UBE2G1: variants seen among roughly 807,000 people sequenced by gnomAD.
UBE2G1 encodes the protein ubiquitin conjugating enzyme E2 G1, also known as ubiquitin-conjugating enzyme E2 G1.
Under a neutral mutation model 22.7 loss-of-function variants are expected in UBE2G1, and 5 were observed. That is an observed-to-expected ratio of 0.22 (90% CI 0.12 to 0.46). The LOEUF (loss-of-function observed/expected upper bound fraction) is 0.46. Ranked by LOEUF, UBE2G1 falls within the 20% of genes least tolerant of loss-of-function variation. UBE2G1 has a pLI of 0.99. For missense variants in UBE2G1, 88 were observed against 203.9 expected (o/e 0.43, Z 3.46); for synonymous variants, 74 against 67.5 (o/e 1.10, Z -0.47).
In UBE2G1 at chr17:4,333,030, T is replaced by C. The variant is rs568792921; in HGVS notation, c.47-25907A>G. Reference sequence around the variant, plus strand: ...TAGCCCCAGGACCTGTGACAGTCTCTGGCAGTAAATATTTGCCCAAGAAAT... The same window carrying C: ...TAGCCCCAGGACCTGTGACAGTCTCCGGCAGTAAATATTTGCCCAAGAAAT... On this transcript the variant is annotated intron_variant, in intron 1 of 5. Coordinates refer to ENST00000396981, the MANE Select transcript of UBE2G1 (RefSeq NM_003342.5). Among the ~76,000 whole-genome samples, 23 of 152,352 alleles carry C rather than the reference T, an allele frequency of 1.5e-4. 1 individual carries two copies. Among genetic ancestry groups the C allele is most frequent in the Admixed American group, 1.0e-3 (16 of 15,292 alleles).
intron 4 of UBE2G1, among the ~76,000 whole-genome samples, chr17:4,284,388 C>T (rs965469451): frequency 6.6e-6 from 1 of 151,902 alleles, no homozygotes; most frequent in Non-Finnish European, 1.5e-5. Context: ...CACCTGAGGT[C>T]AAGAGTTTAA....
chr17:4,331,909 C>G (rs1002190983), intron 1 of UBE2G1: 22 of 152,110 alleles, frequency 1.4e-4, no homozygotes, highest in African/African-American at 5.3e-4. Flanking sequence ...AAGAAGTCAA[C>G]AGAGAATGTC....
chr17:4,290,167 T>C (rs1360731560), intron 3 of UBE2G1, among the ~76,000 whole-genome samples: 1 of 152,202 alleles, frequency 6.6e-6, no homozygotes, highest in Non-Finnish European at 1.5e-5. Context: ...ATCCCTATTG[T>C]GAAACTAATC....
In UBE2G1 at chr17:4,366,601, G is replaced by A. The variant is rs1245362177; in HGVS notation, c.-285C>T. The stretch of plus-strand genomic sequence containing the variant: ...CCCGCTTCCCTCCTTCAACCCGCCC[G>A]TCGGCCCCACCGGTGCCTTCCCCCG... On this transcript the variant is annotated 5_prime_UTR_variant, in exon 1 of 6. The change creates a new upstream start codon in the 5' untranslated region. Transcript: ENST00000396981. 2 of 338,826 alleles carry A rather than the reference G, an allele frequency of 5.9e-6. No homozygotes were observed. The highest frequency in any genetic ancestry group is 1.1e-5 in the Non-Finnish European group (2 of 185,786). 21.0% of individuals were successfully genotyped at this position (338,826 alleles called of 1,614,324 possible). A position where few individuals can be genotyped will look rare whatever the true frequency, so the allele number is the denominator to read the frequency against.
rs188317409 is a variant in UBE2G1 at position 4,334,510 on chromosome 17, A to C, written c.47-27387T>G. On this transcript the variant is annotated intron_variant, in intron 1 of 5. Coordinates refer to ENST00000396981, the MANE Select transcript of UBE2G1 (RefSeq NM_003342.5). ...TATTAGTCACTTGTAACTGGTTTTAACCCATCTTCTCAAAAACAATGTGGT... is the reference window on the plus strand; with the variant it reads ...TATTAGTCACTTGTAACTGGTTTTACCCCATCTTCTCAAAAACAATGTGGT... 6.6e-5 allele frequency among the ~76,000 whole-genome samples: 10 copies of C among 152,260 alleles called. No homozygotes were observed. In the East Asian group the frequency reaches 1.2e-3, roughly 18 times the overall value.
intron 3 of UBE2G1, among the ~76,000 whole-genome samples, chr17:4,295,355 A>G (rs4508454): frequency 0.19 from 28,184 of 152,166 alleles, 2,941 homozygotes; most frequent in Non-Finnish European, 0.23. Flanking sequence ...GCTGCCTTAG[A>G]TGCAATAAAA....
In UBE2G1 at chr17:4,296,736, T is replaced by C. The variant is rs979958119; in HGVS notation, c.228A>G (p.Thr76=). 1.7e-5 allele frequency: 27 copies of C among 1,613,866 alleles called. No individual in the cohort carries two copies. Among genetic ancestry groups the C allele is most frequent in the Non-Finnish European group, 2.3e-5 (27 of 1,179,934 alleles). ...PLRPPKMKFI[T]EIWHPNVDKN... Reference sequence around the variant, plus strand: ...ACTTACCATTTGGGTGCCAGATTTCTGTAATGAATTTCATTTTAGGAGGTC... The same window carrying C: ...ACTTACCATTTGGGTGCCAGATTTCCGTAATGAATTTCATTTTAGGAGGTC... Residue 76 remains threonine, a synonymous_variant, in exon 3 of 6, where the codon ACA becomes ACG. Coordinates refer to ENST00000396981, the MANE Select transcript of UBE2G1 (RefSeq NM_003342.5).
chr17:4,278,223 T>C (rs964540401), intron 5 of UBE2G1, among the ~76,000 whole-genome samples: 11 of 152,234 alleles, frequency 7.2e-5, no homozygotes, highest in Non-Finnish European at 1.5e-4. Flanking sequence ...TTCCATGGTA[T>C]AAAGCCTTAA....
At chr17:4,358,503 A>G (rs1381700728) in intron 1 of UBE2G1, among the ~76,000 whole-genome samples, 1 of 152,088 alleles carries the variant, frequency 6.6e-6, no homozygotes, top group African/African-American at 2.4e-5. Context: ...TCTAGATACA[A>G]TCAGTTGCCA....
intron 1 of UBE2G1, among the ~76,000 whole-genome samples, chr17:4,330,469 G>A (rs1969560058): frequency 6.6e-6 from 1 of 152,112 alleles, no homozygotes; most frequent in Non-Finnish European, 1.5e-5. Context: ...CAGTCGCGGT[G>A]GCTCATGCCT....
intron 2 of UBE2G1, chr17:4,301,348 TGGA>T (rs1298176425): frequency 2.5e-5 from 12 of 486,418 alleles, no homozygotes; most frequent in Admixed American, 6.0e-5. Flanking sequence ...ACGGGCGCAA[TGGA>T]GGAGAAGGAT....
intron 4 of UBE2G1, among the ~76,000 whole-genome samples, chr17:4,287,703 A>T (rs1016996974): frequency 6.6e-6 from 1 of 152,200 alleles, no homozygotes. Context: ...GGTAAATTTT[A>T]TGCCCTGGCT....
intron 1 of UBE2G1, among the ~76,000 whole-genome samples, chr17:4,317,569 T>C (rs902813752): frequency 6.6e-6 from 1 of 152,170 alleles, no homozygotes; most frequent in African/African-American, 2.4e-5. Flanking sequence ...TTTACTGTGC[T>C]TCAAAAACAT....
intron 5 of UBE2G1, among the ~76,000 whole-genome samples, chr17:4,276,195 C>T (rs970916928): frequency 3.9e-5 from 6 of 152,094 alleles, no homozygotes; most frequent in Admixed American, 2.0e-4. Flanking sequence ...GAAGCCCCCC[C>T]GCCCTTTTTT....
Position 4,366,481 on chromosome 17 carries a change from G to A in UBE2G1, c.-165C>T. The A allele has an allele frequency of 1.8e-6, 1 of 571,068 alleles. No individual in the cohort carries two copies. The highest frequency in any genetic ancestry group is 2.7e-6 in the Non-Finnish European group (1 of 363,700). The allele number at this position is 571,068 out of a possible 1,614,324, so 35.4% of individuals were successfully genotyped here. On this transcript the variant is annotated 5_prime_UTR_variant, in exon 1 of 6. Coordinates refer to ENST00000396981, the MANE Select transcript of UBE2G1 (RefSeq NM_003342.5). ...CGGCGGGAGCGGCGCCTCGCTGCCGGTGCGAGTCCGCTCGCTTCAGCTCTT... is the reference window on the plus strand; with the variant it reads ...CGGCGGGAGCGGCGCCTCGCTGCCGATGCGAGTCCGCTCGCTTCAGCTCTT...
In UBE2G1 at chr17:4,366,257, G is replaced by C; in HGVS notation, c.46+14C>G. ...TCGCGGCCGGGCCCGGCGCCCCGCC[G>C]CCCGCCTGCTCACCTGCCAGCTGTC... is the stretch of plus-strand genomic sequence containing the variant. On this transcript the variant is annotated intron_variant, in intron 1 of 5. Transcript: ENST00000396981. The C allele has an allele frequency of 1.3e-6, 2 of 1,540,200 alleles. No homozygotes were observed. The highest frequency in any genetic ancestry group is 1.7e-6 in the Non-Finnish European group (2 of 1,153,668).
intron 1 of UBE2G1, among the ~76,000 whole-genome samples, chr17:4,334,700 G>A (rs8068359): frequency 2.0e-5 from 3 of 151,964 alleles, no homozygotes; most frequent in Non-Finnish European, 4.4e-5. Flanking sequence ...CCAACACGCC[G>A]GGCTAATTTT....
At chr17:4,307,258 G>T in intron 1 of UBE2G1, 135 bp from the exon 2 acceptor site, 1 of 711,784 alleles carries the variant, frequency 1.4e-6, no homozygotes, top group Non-Finnish European at 2.3e-6. Context: ...CAGGCAAAAT[G>T]CTACTTGATG....
intron 1 of UBE2G1, among the ~76,000 whole-genome samples, chr17:4,337,226 A>G (rs1396537770): frequency 6.6e-6 from 1 of 151,010 alleles, no homozygotes; most frequent in Non-Finnish European, 1.5e-5. Context: ...CTGAAGTCCT[A>G]GCTATTTGAG....
Sources: gnomAD v4.1 joint callset for allele counts (sites outside exome capture counted in the v4.1 genomes callset) on GRCh38, gnomAD v4.1.1 for gene constraint, MANE v1.5 for transcripts, NCBI Gene and HGNC (gene_info 2026-07-23, HGNC 2026-07-21) for gene names.